The following PACSIN1 variants were observed in gnomAD, a reference collection of about 807,000 sequenced individuals.
The protein encoded by PACSIN1 is protein kinase C and casein kinase substrate in neurons 1.
PACSIN1 carries 15 observed loss-of-function variants against 59.5 expected under a neutral mutation model. That is an observed-to-expected ratio of 0.25 (90% CI 0.17 to 0.39). The LOEUF (loss-of-function observed/expected upper bound fraction) is 0.39, where lower values mean the gene tolerates loss of function less well. Among genes scored for constraint, PACSIN1 ranks in the 10% least tolerant of loss-of-function variants. The probability of loss-of-function intolerance (pLI) is 1.00; values close to 1 mark genes in which losing one functional copy is unlikely to be tolerated. For missense variants in PACSIN1, 420 were observed against 580.2 expected (o/e 0.72, Z 2.84); for synonymous variants, 210 against 220.6 (o/e 0.95, Z 0.42).
At chr6:34,481,909 C>A (rs1342972391) in intron 1 of PACSIN1, among the ~76,000 whole-genome samples, 1 of 152,136 alleles carries the variant, frequency 6.6e-6, no homozygotes, top group African/African-American at 2.4e-5. Context: ...TATTCCATAA[C>A]TCCAAAAAGA....
chr6:34,531,604 A>G lies in PACSIN1; in HGVS notation c.1042A>G (p.Ser348Gly), dbSNP rs367698111. 15 of 1,613,654 alleles carry G rather than the reference A, an allele frequency of 9.3e-6. No homozygotes were observed. The highest frequency in any genetic ancestry group is 1.2e-5 in the Non-Finnish European group (14 of 1,179,966). Residue 348 changes from serine to glycine, a missense_variant, in exon 9 of 10, where the codon AGC becomes GGC. By Grantham distance (56) the Ser-to-Gly change is moderately conservative (BLOSUM62 0). Transcript: ENST00000244458. This position sits in a 1 kb window ranked among gnomAD's most constrained non-coding sequence, Gnocchi z 4.4. ...TSQAGDRGSV[S>G]SYDRGQPYAT... ...GCTCCTTCCTCCGCGTCTCAGTGTT[A>G]GCAGCTACGACAGAGGCCAGCCCTA... is the stretch of plus-strand genomic sequence containing the variant.
chr6:34,527,588 C>A, intron 3 of PACSIN1, 100 bp downstream of exon 3: 1 of 1,087,024 alleles, frequency 9.2e-7, no homozygotes, highest in Non-Finnish European at 1.3e-6. Context: ...CCATGCCCTC[C>A]ATCTACCAGA....
rs1767548750 is a variant in PACSIN1 at position 34,529,413 on chromosome 6, A to G, written c.473A>G (p.Lys158Arg). 1 of 1,614,064 alleles carries G rather than the reference A, an allele frequency of 6.2e-7. No individual in the cohort carries two copies. Among genetic ancestry groups the G allele is most frequent in the Admixed American group, 1.7e-5 (1 of 60,000 alleles). The change falls in exon 5 of 10, where the codon AAG becomes AGG. Residue 158 changes from lysine (K) to arginine (R), a missense_variant. Transcript: ENST00000244458. This position sits in a 1 kb window ranked among gnomAD's most constrained non-coding sequence, Gnocchi z 6.3. ...TCCCCACAGCTGGAGGCAGCCAAGA[A>G]GGCCTACCATTTGGCTTGCAAAGAG... ...KKMKELEAAKKAYHLACKEEK... is the reference protein window; with the variant it reads ...KKMKELEAAKRAYHLACKEEK...
intron 1 of PACSIN1, among the ~76,000 whole-genome samples, chr6:34,475,612 TC>T (rs1258976396): frequency 2.0e-5 from 3 of 152,036 alleles, no homozygotes; most frequent in Non-Finnish European, 4.4e-5. Flanking sequence ...GGGCCTAGCC[TC>T]CCCCTGCATC....
At chr6:34,481,497 A>G (rs150518858) in intron 1 of PACSIN1, among the ~76,000 whole-genome samples, 5,394 of 151,978 alleles carry the variant, frequency 0.035, 119 homozygotes, top group Non-Finnish European at 0.054. Flanking sequence ...AATGAAACCC[A>G]TCTCTACTAA....
At position 34,521,995 on chromosome 6, in the gene PACSIN1, C is replaced by A. The variant is rs1767400568; in HGVS notation, c.-63-4248C>A. Among the ~76,000 whole-genome samples, 1 of 152,212 alleles carries A rather than the reference C, an allele frequency of 6.6e-6. No homozygotes were observed. The highest frequency in any genetic ancestry group is 2.1e-4 in the South Asian group (1 of 4,836). ...GCCCCAGGGTCAAGTCCTTACTCTG[C>A]CACCTGTAGCTGCGCGATCTTGGCT... On this transcript the variant is annotated intron_variant, in intron 1 of 9. Transcript: ENST00000244458. The surrounding 1 kb of genome is among the most constrained non-coding windows in gnomAD (Gnocchi z 4.3).
intron 1 of PACSIN1, among the ~76,000 whole-genome samples, chr6:34,473,099 C>T (rs1193157308): frequency 2.6e-5 from 4 of 151,804 alleles, no homozygotes; most frequent in East Asian, 1.9e-4. Flanking sequence ...CACCTGTCGT[C>T]GAGGAATGGG....
At position 34,527,537 on chromosome 6, in the gene PACSIN1, C is replaced by T. The variant is rs1309043187; in HGVS notation, c.220+49C>T. 3 of 1,514,192 alleles carry T rather than the reference C, an allele frequency of 2.0e-6. No individual in the cohort carries two copies. The South Asian group carries it at 3.7e-5, about 19-fold the overall frequency. The allele number at this position is 1,514,192 out of a possible 1,614,324, so 93.8% of individuals were successfully genotyped here. ...GCGCGCCCCCAGGCCGTCACGAGCC[C>T]CCTAGGTCTGGGTCCTAGGAGCCCC... On this transcript the variant is annotated intron_variant, in intron 3 of 9. Transcript: ENST00000244458.
intron 1 of PACSIN1, among the ~76,000 whole-genome samples, chr6:34,491,482 A>C (rs1419529350): frequency 1.3e-5 from 2 of 152,128 alleles, no homozygotes; most frequent in African/African-American, 4.8e-5. Context: ...CCTGACACCA[A>C]CTGGGGTAGG....
Position 34,470,175 on chromosome 6 carries a change from C to CTATTATTATTATTATTATTATTAT in PACSIN1, c.-64+3927_-64+3928insATTATTATTATTATTATTATTATT, listed in dbSNP as rs200734893. 2.8e-4 allele frequency among the ~76,000 whole-genome samples: 42 copies of CTATTATTATTATTATTATTATTAT among 151,562 alleles called. 1 individual carries two copies. The East Asian group carries it at 4.1e-3, about 15-fold the overall frequency. ...ACTGGGAGGGCAGGGGAGGCCTTGG[C>CTATTATTATTATTATTATTATTAT]TATTATTATTATTATTATTATTTTT... On this transcript the variant is annotated intron_variant, in intron 1 of 9. Coordinates refer to ENST00000244458, the MANE Select transcript of PACSIN1 (RefSeq NM_020804.5).
At position 34,488,476 on chromosome 6, in the gene PACSIN1, C is replaced by G. The variant is rs547935100; in HGVS notation, c.-64+22206C>G. Among the ~76,000 whole-genome samples, 7 of 152,108 alleles carry G rather than the reference C, an allele frequency of 4.6e-5. No individual in the cohort carries two copies. Among genetic ancestry groups the G allele is most frequent in the Non-Finnish European group, 7.3e-5 (5 of 68,032 alleles). On this transcript the variant is annotated intron_variant, in intron 1 of 9. Transcript: ENST00000244458. This position sits in a 1 kb window ranked among gnomAD's most constrained non-coding sequence, Gnocchi z 4.7. The stretch of plus-strand genomic sequence containing the variant: ...TTACAGCTGAAAGTTTAATGTGACT[C>G]TTGCTGTCTCTTGGTGGAACTATTT...
chr6:34,504,084 C>T (rs1767067240), intron 1 of PACSIN1, among the ~76,000 whole-genome samples: 1 of 151,972 alleles, frequency 6.6e-6, no homozygotes, highest in Non-Finnish European at 1.5e-5. Context: ...TGTCCATCTA[C>T]CCATCCATCC....
At chr6:34,487,505 G>A (rs919492695) in intron 1 of PACSIN1, among the ~76,000 whole-genome samples, 3 of 152,154 alleles carry the variant, frequency 2.0e-5, no homozygotes, top group African/African-American at 7.2e-5. Context: ...AAAATACTCT[G>A]AGCTGAAGGT....
At chr6:34,468,118 G>A (rs1410304489) in intron 1 of PACSIN1, among the ~76,000 whole-genome samples, 1 of 152,302 alleles carries the variant, frequency 6.6e-6, no homozygotes, top group Middle Eastern at 3.4e-3. Context: ...AGGGAAGCTG[G>A]GAAGGCCCAA....
At chr6:34,527,572 C>A in intron 3 of PACSIN1, 84 bp downstream of exon 3, 1 of 1,245,016 alleles carries the variant, frequency 8.0e-7, no homozygotes, top group Non-Finnish European at 1.1e-6. Flanking sequence ...CGGCTACTTG[C>A]ATGCACCATG....
chr6:34,516,231 G>A lies in PACSIN1; in HGVS notation c.-63-10012G>A, dbSNP rs993711793. 3.3e-5 allele frequency among the ~76,000 whole-genome samples: 5 copies of A among 152,208 alleles called. No homozygotes were observed. The highest frequency in any genetic ancestry group is 3.3e-4 in the Admixed American group (5 of 15,290). On this transcript the variant is annotated intron_variant, in intron 1 of 9. Coordinates refer to ENST00000244458, the MANE Select transcript of PACSIN1 (RefSeq NM_020804.5). The surrounding 1 kb of genome is among the most constrained non-coding windows in gnomAD (Gnocchi z 5.4). ...TCGGGTCAGAGGGCCTGGTGCAGGG[G>A]CTGAGGAGGGGTCACATGATGGGTA...
At chr6:34,486,058 T>C (rs77057879) in intron 1 of PACSIN1, among the ~76,000 whole-genome samples, 5,716 of 152,116 alleles carry the variant, frequency 0.038, 135 homozygotes, top group African/African-American at 0.061. Flanking sequence ...CATGATTCTC[T>C]CTGGGTGGGA....
intron 1 of PACSIN1, among the ~76,000 whole-genome samples, chr6:34,509,370 C>A (rs1450217765): frequency 2.0e-5 from 3 of 152,132 alleles, no homozygotes; most frequent in African/African-American, 7.2e-5. Flanking sequence ...TCATTCTGTT[C>A]CATTGGTCTG....
chr6:34,494,318 A>G (rs1400486861), intron 1 of PACSIN1, among the ~76,000 whole-genome samples: 2 of 152,164 alleles, frequency 1.3e-5, no homozygotes, highest in South Asian at 2.1e-4. Context: ...GGTCATTCCC[A>G]GAGCTCTCTG....
Sources: gnomAD v4.1 joint callset for allele counts (sites outside exome capture counted in the v4.1 genomes callset) on GRCh38, gnomAD v4.1.1 for gene constraint, Gnocchi (gnomAD v3.1) non-coding constraint, MANE v1.5 for transcripts, NCBI Gene and HGNC (gene_info 2026-07-23, HGNC 2026-07-21) for gene names.